Variants in PRELID2 observed in about 807,000 individuals in gnomAD.
The protein encoded by PRELID2 is PRELI domain-containing protein 2.
A neutral mutation model predicts 28.4 loss-of-function variants in PRELID2; 25 were observed. That is an observed-to-expected ratio of 0.88 (90% CI 0.64 to 1.23). The LOEUF (loss-of-function observed/expected upper bound fraction) is 1.23. Among genes scored for constraint, PRELID2 ranks in the 50% most tolerant of loss-of-function variants. The pLI, the probability that PRELID2 is intolerant of heterozygous loss-of-function variation, is 0.00. For missense variants in PRELID2, 201 were observed against 214.4 expected, an observed-to-expected ratio of 0.94 and a Z score of 0.39; for synonymous variants, 76 against 71.6, an observed-to-expected ratio of 1.06 and a Z score of -0.31.
chr5:145,704,343 T>C (rs1345652349), intron 1 of PRELID2: 1 of 152,166 alleles, frequency 6.6e-6, no homozygotes. Flanking sequence ...CTTCCAATGA[T>C]ATACCAAGCA....
chr5:145,375,898 G>T, the PRELID2 span, among the ~76,000 whole-genome samples: 1 of 152,210 alleles, frequency 6.6e-6, no homozygotes, highest in South Asian at 2.1e-4. Context: ...GAGCTAATGT[G>T]TTAGGCAGTT....
the PRELID2 span, among the ~76,000 whole-genome samples, chr5:145,373,013 ATAT>A: frequency 2.5e-5 from 3 of 118,482 alleles, no homozygotes; most frequent in East Asian, 2.4e-4. Flanking sequence ...TATAATATAT[ATAT>A]TATATTACAA....
the PRELID2 span, among the ~76,000 whole-genome samples, chr5:145,382,226 T>A: frequency 0.24 from 36,505 of 151,722 alleles, 4,657 homozygotes; most frequent in South Asian, 0.34. Context: ...GAACAGATAG[T>A]AAAAGACTGA....
chr5:145,809,741 C>G (rs183115083), intron 4 of PRELID2, among the ~76,000 whole-genome samples: 1 of 152,202 alleles, frequency 6.6e-6, no homozygotes, highest in Admixed American at 6.5e-5. Context: ...TTGACAACAT[C>G]GTGAATAGGT....
At chr5:145,339,004 T>C in the PRELID2 span, among the ~76,000 whole-genome samples, 2 of 152,192 alleles carry the variant, frequency 1.3e-5, no homozygotes, top group Non-Finnish European at 2.9e-5. Flanking sequence ...ATTATTAAAA[T>C]AGCCCAATTT....
chr5:145,384,637 G>A, the PRELID2 span, among the ~76,000 whole-genome samples: 5 of 152,146 alleles, frequency 3.3e-5, no homozygotes, highest in Admixed American at 1.3e-4. Flanking sequence ...TAAGAAAAGA[G>A]CCTTAATTGG....
chr5:145,723,906 G>A (rs1304123305), intron 1 of PRELID2, among the ~76,000 whole-genome samples: 1 of 152,066 alleles, frequency 6.6e-6, no homozygotes. Context: ...ATTCATAGCA[G>A]CCTTATTTAT....
chr5:145,451,586 T>C, the PRELID2 span, among the ~76,000 whole-genome samples: 1 of 152,246 alleles, frequency 6.6e-6, no homozygotes, highest in African/African-American at 2.4e-5. Flanking sequence ...AAGCTCACAA[T>C]AGTGCTGAAC....
chr5:145,617,705 A>G (rs537106401), intron 1 of PRELID2, among the ~76,000 whole-genome samples: 2 of 150,758 alleles, frequency 1.3e-5, no homozygotes, highest in East Asian at 3.9e-4. Flanking sequence ...TGTTTCCTGA[A>G]GTTTTGGTTG....
chr5:145,465,130 T>C, the PRELID2 span, among the ~76,000 whole-genome samples: 1 of 152,086 alleles, frequency 6.6e-6, no homozygotes, highest in African/African-American at 2.4e-5. Context: ...CCTCCTAGAG[T>C]CCTGGTCTCA....
At chr5:145,604,334 G>C (rs915120335) in intron 1 of PRELID2, among the ~76,000 whole-genome samples, 2 of 152,082 alleles carry the variant, frequency 1.3e-5, no homozygotes, top group Admixed American at 1.3e-4. Flanking sequence ...TCATAAGTGA[G>C]AATATGCAGT....
chr5:145,249,493 A>G, the PRELID2 span, among the ~76,000 whole-genome samples: 1 of 152,106 alleles, frequency 6.6e-6, no homozygotes, highest in Non-Finnish European at 1.5e-5. Flanking sequence ...CCTTTTACCA[A>G]TGAAAGCCAA....
intron 4 of PRELID2, among the ~76,000 whole-genome samples, chr5:145,807,557 TA>T (rs1164290443): frequency 2.6e-5 from 4 of 151,828 alleles, no homozygotes; most frequent in Non-Finnish European, 5.9e-5. Flanking sequence ...AAAGAGCACA[TA>T]AAATGACCAA....
chr5:145,567,414 G>C (rs757757714), intron 1 of PRELID2, among the ~76,000 whole-genome samples: 57 of 147,632 alleles, frequency 3.9e-4, no homozygotes, highest in Admixed American at 2.8e-3. Flanking sequence ...GTCTCACTCT[G>C]TCACCAAGGC....
the PRELID2 span, among the ~76,000 whole-genome samples, chr5:145,243,476 G>C: frequency 2.7e-4 from 41 of 152,002 alleles, no homozygotes; most frequent in African/African-American, 9.2e-4. Flanking sequence ...AAATAGTAAA[G>C]TCCATTTTAT....
chr5:145,487,317 A>G (rs1370480475), intron 1 of PRELID2, among the ~76,000 whole-genome samples: 1 of 152,008 alleles, frequency 6.6e-6, no homozygotes, highest in Non-Finnish European at 1.5e-5. Context: ...AGCATACGGG[A>G]TTTCCACTGT....
the PRELID2 span, among the ~76,000 whole-genome samples, chr5:145,359,838 C>T: frequency 6.6e-6 from 1 of 152,184 alleles, no homozygotes; most frequent in African/African-American, 2.4e-5. Context: ...GTTATAAACA[C>T]TCTACTACCA....
chr5:145,415,593 C>A, the PRELID2 span, among the ~76,000 whole-genome samples: 1 of 150,610 alleles, frequency 6.6e-6, no homozygotes, highest in South Asian at 2.1e-4. Flanking sequence ...ATCCATGTCC[C>A]TACAAAGGAC....
chr5:145,707,982 C>G (rs1581081166), intron 1 of PRELID2, among the ~76,000 whole-genome samples: 1 of 152,244 alleles, frequency 6.6e-6, no homozygotes, highest in South Asian at 2.1e-4. Context: ...ATGCCTGGCA[C>G]ATAGCAAACA....
Sources: allele counts gnomAD v4.1 joint callset (sites outside exome capture counted in the v4.1 genomes callset), GRCh38; gene constraint gnomAD v4.1.1; transcripts MANE v1.5; gene names NCBI Gene and HGNC (gene_info 2026-07-23, HGNC 2026-07-21).